Variants in CD1B observed in about 807,000 individuals in gnomAD.
The protein encoded by CD1B is T-cell surface glycoprotein CD1b.
In CD1B, 43 loss-of-function variants were observed where a neutral mutation model predicts 39.8. That is an observed-to-expected ratio of 1.08 (90% CI 0.85 to 1.39). CD1B has a LOEUF of 1.39. CD1B is among the 40% of genes most tolerant of loss of function. The probability of loss-of-function intolerance (pLI) is 0.00; values close to 1 mark genes in which losing one functional copy is unlikely to be tolerated. For synonymous variants in CD1B, 192 were observed against 152.5 expected (o/e 1.26, Z -1.91); for missense variants, 495 against 403.8 (o/e 1.23, Z -1.94).
chr1:158,307,480 T>C, the CD1B span, among the ~76,000 whole-genome samples: 2 of 152,070 alleles, frequency 1.3e-5, no homozygotes, highest in Non-Finnish European at 2.9e-5. Context: ...ACCCAATGGA[T>C]TCACTGCCAA....
chr1:158,295,366 G>A, the CD1B span, among the ~76,000 whole-genome samples: 1 of 152,136 alleles, frequency 6.6e-6, no homozygotes, highest in Non-Finnish European at 1.5e-5. Flanking sequence ...TAGGGAAGGG[G>A]TTGGTTAAAT....
the CD1B span, among the ~76,000 whole-genome samples, chr1:158,306,264 G>T: frequency 6.6e-6 from 1 of 152,076 alleles, no homozygotes; most frequent in Non-Finnish European, 1.5e-5. Context: ...AACAAAAAAA[G>T]GCAGTGGTTG....
chr1:158,308,420 A>T, the CD1B span, among the ~76,000 whole-genome samples: 1 of 152,236 alleles, frequency 6.6e-6, no homozygotes, highest in Admixed American at 6.5e-5. Context: ...GGTAATTTGT[A>T]GATTCAATGC....
At chr1:158,293,534 A>G in the CD1B span, 2 of 1,613,944 alleles carry the variant, frequency 1.2e-6, no homozygotes, top group Non-Finnish European at 1.7e-6. Flanking sequence ...GGAGCCTAGT[A>G]CAATATAGTG....
At chr1:158,307,701 C>G in the CD1B span, among the ~76,000 whole-genome samples, 12 of 152,246 alleles carry the variant, frequency 7.9e-5, no homozygotes, top group East Asian at 2.3e-3. Context: ...TACTGGCAAA[C>G]CGAATTCAGC....
the CD1B span, chr1:158,293,393 C>T: frequency 1.3e-6 from 2 of 1,599,064 alleles, no homozygotes; most frequent in South Asian, 1.1e-5. Flanking sequence ...GACTACTCCA[C>T]CTTATCCTCA....
At chr1:158,289,946 G>T in the CD1B span, 1 of 842,118 alleles carries the variant, frequency 1.2e-6, no homozygotes. Context: ...TGCTGTCAGC[G>T]GCTGATGGGG....
At chr1:158,305,039 T>A in the CD1B span, among the ~76,000 whole-genome samples, 1 of 152,082 alleles carries the variant, frequency 6.6e-6, no homozygotes, top group East Asian at 1.9e-4. Flanking sequence ...CCTCTCCTCC[T>A]CCAAGGGAAC....
At chr1:158,329,093 C>A in intron 4 of CD1B, 79 bp from the exon 5 acceptor site, 1 of 1,206,044 alleles carries the variant, frequency 8.3e-7, no homozygotes, top group Admixed American at 2.1e-5. Context: ...TGCCCACCTA[C>A]TTCCAATGTA....
At chr1:158,330,193 G>C in intron 2 of CD1B, 63 bp from the exon 3 acceptor site, 2 of 1,466,324 alleles carry the variant, frequency 1.4e-6, no homozygotes, top group South Asian at 1.3e-5. Flanking sequence ...CATGAGAAAA[G>C]AACCTAGGAT....
chr1:158,301,727 T>C, the CD1B span, among the ~76,000 whole-genome samples: 7 of 152,328 alleles, frequency 4.6e-5, no homozygotes, highest in Middle Eastern at 6.8e-3. Context: ...CGTTTTTCCT[T>C]CATTTCAACC....
chr1:158,294,964 C>T, the CD1B span, among the ~76,000 whole-genome samples: 2 of 152,028 alleles, frequency 1.3e-5, no homozygotes, highest in Admixed American at 6.5e-5. Context: ...CAGCTTGGGT[C>T]CTGCTTCCAT....
At chr1:158,290,245 G>A in the CD1B span, 1 of 845,412 alleles carries the variant, frequency 1.2e-6, no homozygotes, top group Non-Finnish European at 1.9e-6. Flanking sequence ...CTGTCTCCAG[G>A]TCCAGTTTAC....
chr1:158,319,026 G>C, the CD1B span, among the ~76,000 whole-genome samples: 1 of 151,908 alleles, frequency 6.6e-6, no homozygotes. Context: ...TTTCTGCCAA[G>C]AGATCCGCTG....
At chr1:158,287,253 A>G in the CD1B span, among the ~76,000 whole-genome samples, 104 of 152,118 alleles carry the variant, frequency 6.8e-4, 1 homozygote, top group African/African-American at 2.4e-3. Context: ...CCTTCTCACT[A>G]TGAGCTCATA....
At chr1:158,309,092 G>C in the CD1B span, among the ~76,000 whole-genome samples, 24 of 151,940 alleles carry the variant, frequency 1.6e-4, no homozygotes, top group African/African-American at 5.3e-4. Context: ...TCTGACAAAG[G>C]GCTAATATCC....
chr1:158,314,333 C>T, the CD1B span, among the ~76,000 whole-genome samples: 2 of 152,314 alleles, frequency 1.3e-5, no homozygotes, highest in South Asian at 2.1e-4. Context: ...CCACCCTCCT[C>T]GGCCTCCCAA....
the CD1B span, among the ~76,000 whole-genome samples, chr1:158,312,089 T>C: frequency 1.3e-5 from 2 of 152,318 alleles, no homozygotes; most frequent in Non-Finnish European, 1.5e-5. Flanking sequence ...TTGGGTAGTA[T>C]GGGCATTTTA....
Position 158,330,776 on chromosome 1 carries a change from G to T in CD1B, c.328+20C>A. The T allele has an allele frequency of 6.2e-7, 1 of 1,613,122 alleles. No individual in the cohort carries two copies. The highest frequency in any genetic ancestry group is 1.1e-5 in the South Asian group (1 of 91,064). On this transcript the variant is annotated intron_variant, in intron 2 of 5. Transcript: ENST00000368168. ...AAGAGAGTCCTTGAGACTCTTCCCA[G>T]TTCGGTGGACTAGACTCACATTTCA...
Sources: allele counts gnomAD v4.1 joint callset (sites outside exome capture counted in the v4.1 genomes callset), GRCh38; gene constraint gnomAD v4.1.1; transcripts MANE v1.5; gene names NCBI Gene and HGNC (gene_info 2026-07-23, HGNC 2026-07-21).